GRID1: variants seen among roughly 807,000 people sequenced by gnomAD.
GRID1 encodes glutamate ionotropic receptor delta type subunit 1.
GRID1 carries 28 observed loss-of-function variants against 98.0 expected under a neutral mutation model. The ratio of observed to expected loss-of-function variants is 0.29; its 90% CI spans 0.21 to 0.39. GRID1 has a LOEUF of 0.39. GRID1 is among the 10% of genes least tolerant of loss of function. The pLI, the probability that GRID1 is intolerant of heterozygous loss-of-function variation, is 1.00. For missense variants in GRID1, 1,111 were observed against 1,340.5 expected (o/e 0.83, Z 2.67); for synonymous variants, 553 against 538.5 (o/e 1.03, Z -0.37).
At chr10:85,961,426 C>A (rs1415851427) in intron 4 of GRID1, among the ~76,000 whole-genome samples, 1 of 152,110 alleles carries the variant, frequency 6.6e-6, no homozygotes, top group Non-Finnish European at 1.5e-5. Context: ...AGTGAGGAGG[C>A]CTCCCGCCAC....
At chr10:86,142,875 G>A (rs909326313) in intron 3 of GRID1, among the ~76,000 whole-genome samples, 2 of 152,192 alleles carry the variant, frequency 1.3e-5, no homozygotes, top group Non-Finnish European at 2.9e-5. Context: ...CCCACAGGAC[G>A]GTTTTATTTC....
Position 86,291,077 on chromosome 10 carries a change from C to T in GRID1, c.235+72864G>A, listed in dbSNP as rs532239844. 2.0e-4 allele frequency among the ~76,000 whole-genome samples: 30 copies of T among 152,352 alleles called. No homozygotes were observed. The East Asian group carries it at 5.8e-3, about 29-fold the overall frequency. On this transcript the variant is annotated intron_variant, in intron 2 of 15. Coordinates refer to ENST00000327946, the MANE Select transcript of GRID1 (RefSeq NM_017551.3). ...GACAGCTTGTGAAGATCCTGGAAGT[C>T]TGCGCTGCTCTGCTCCCAGCAGCTC...
intron 2 of GRID1, among the ~76,000 whole-genome samples, chr10:86,318,586 C>A (rs1847929561): frequency 6.6e-6 from 1 of 152,192 alleles, no homozygotes; most frequent in Non-Finnish European, 1.5e-5. Context: ...CCCACACAGG[C>A]TAGGCCTGGC....
chr10:85,665,628 A>T (rs1228703454), intron 12 of GRID1, among the ~76,000 whole-genome samples: 1 of 152,222 alleles, frequency 6.6e-6, no homozygotes, highest in Non-Finnish European at 1.5e-5. Context: ...ATTGCTTGAC[A>T]GTCTAATTCC....
chr10:85,743,763 T>A (rs907172011), intron 8 of GRID1, among the ~76,000 whole-genome samples: 11 of 152,198 alleles, frequency 7.2e-5, no homozygotes, highest in African/African-American at 2.7e-4. Context: ...TTAGAAATTT[T>A]TCACATGCAG....
At chr10:85,839,503 C>CA (rs1842943583) in intron 8 of GRID1, among the ~76,000 whole-genome samples, 1 of 152,136 alleles carries the variant, frequency 6.6e-6, no homozygotes, top group Admixed American at 6.5e-5. Flanking sequence ...CCTCCAATTA[C>CA]ATGGATCATA....
chr10:86,163,606 G>A (rs528363309), intron 3 of GRID1, among the ~76,000 whole-genome samples: 13 of 152,240 alleles, frequency 8.5e-5, no homozygotes, highest in East Asian at 1.9e-4. Flanking sequence ...GACTGATAGC[G>A]TCAGCCACCG....
intron 15 of GRID1, chr10:85,606,094 A>G (rs1274658098): frequency 6.6e-6 from 1 of 152,198 alleles, no homozygotes; most frequent in Non-Finnish European, 1.5e-5. Context: ...TGTGGAGATA[A>G]CTAGTTCTCT....
At chr10:85,940,066 CAAAAAAAAA>C (rs34122685) in intron 4 of GRID1, among the ~76,000 whole-genome samples, 1 of 99,424 alleles carries the variant, frequency 1.0e-5, no homozygotes, top group Non-Finnish European at 2.0e-5. Flanking sequence ...GACTCCCTCT[CAAAAAAAAA>C]AAAAAAAAAA....
intron 6 of GRID1, among the ~76,000 whole-genome samples, chr10:85,857,490 A>G (rs937330428): frequency 6.6e-6 from 1 of 152,022 alleles, no homozygotes; most frequent in African/African-American, 2.4e-5. Context: ...CTGTTCTCGG[A>G]TGTCACCTTC....
At chr10:85,754,633 G>A (rs1419270108) in intron 8 of GRID1, among the ~76,000 whole-genome samples, 2 of 152,190 alleles carry the variant, frequency 1.3e-5, no homozygotes, top group African/African-American at 4.8e-5. Flanking sequence ...GTGGTAAAAA[G>A]AGAGCATACT....
At chr10:86,067,077 A>G (rs1251783589) in intron 4 of GRID1, among the ~76,000 whole-genome samples, 1 of 152,240 alleles carries the variant, frequency 6.6e-6, no homozygotes, top group Non-Finnish European at 1.5e-5. Context: ...CACACTTTGA[A>G]CAACTAATGA....
chr10:85,867,746 T>G (rs942524932), intron 6 of GRID1, among the ~76,000 whole-genome samples: 2 of 152,308 alleles, frequency 1.3e-5, no homozygotes, highest in South Asian at 2.1e-4. Context: ...CTCCACCGCC[T>G]TAGAAAGACC....
chr10:85,722,745 G>A (rs185450614), intron 12 of GRID1, among the ~76,000 whole-genome samples: 1 of 152,266 alleles, frequency 6.6e-6, no homozygotes, highest in East Asian at 1.9e-4. Context: ...AATGTAATTT[G>A]TTAATTGATT....
chr10:86,188,799 G>A lies in GRID1; in HGVS notation c.520+17565C>T, dbSNP rs56663997. On this transcript the variant is annotated intron_variant, in intron 3 of 15. Coordinates refer to ENST00000327946, the MANE Select transcript of GRID1 (RefSeq NM_017551.3). ...TTTAATCCACTATCTAAGCTATGGGGATGGTGCCAGTGTTATCTCTGCTTG... is the reference window on the plus strand; with the variant it reads ...TTTAATCCACTATCTAAGCTATGGGAATGGTGCCAGTGTTATCTCTGCTTG... Among the ~76,000 whole-genome samples, 5 of 152,310 alleles carry A rather than the reference G, an allele frequency of 3.3e-5. No homozygotes were observed. The East Asian group carries it at 9.7e-4, about 29-fold the overall frequency.
intron 8 of GRID1, among the ~76,000 whole-genome samples, chr10:85,740,968 G>C (rs1051217920): frequency 6.6e-6 from 1 of 152,032 alleles, no homozygotes; most frequent in Non-Finnish European, 1.5e-5. Context: ...TAACCAGGCT[G>C]TTCTCGAACT....
chr10:85,762,149 T>C lies in GRID1; in HGVS notation c.1234-32535A>G, dbSNP rs116421193. 3.5e-3 allele frequency among the ~76,000 whole-genome samples: 527 copies of C among 152,336 alleles called. 5 individuals are homozygous for C. Among genetic ancestry groups the C allele is most frequent in the African/African-American group, 0.012 (507 of 41,574 alleles). The stretch of plus-strand genomic sequence containing the variant: ...TGTACAATTTTGCACCGCATTCCTC[T>C]ATCAAGGGCTCATGCTGGAGCAGTC... On this transcript the variant is annotated intron_variant, in intron 8 of 15. Transcript: ENST00000327946.
At chr10:86,262,912 G>T (rs1160513903) in intron 2 of GRID1, among the ~76,000 whole-genome samples, 1 of 152,158 alleles carries the variant, frequency 6.6e-6, no homozygotes, top group African/African-American at 2.4e-5. Flanking sequence ...CCTGCGCGGC[G>T]TTCCCAGGCC....
chr10:85,771,600 T>C (rs1209840658), intron 8 of GRID1, among the ~76,000 whole-genome samples: 2 of 152,094 alleles, frequency 1.3e-5, no homozygotes, highest in African/African-American at 4.8e-5. Flanking sequence ...GAGACACAAA[T>C]AGGCTCAAAA....
Sources: allele counts gnomAD v4.1 joint callset (sites outside exome capture counted in the v4.1 genomes callset), GRCh38; gene constraint gnomAD v4.1.1; transcripts MANE v1.5; gene names NCBI Gene and HGNC (gene_info 2026-07-23, HGNC 2026-07-21).